KCNG3: variants seen among roughly 807,000 people sequenced by gnomAD.
KCNG3 encodes the protein potassium voltage-gated channel modifier subfamily G member 3.
Under a neutral mutation model 29.0 loss-of-function variants are expected in KCNG3, and 15 were observed. The ratio of observed to expected loss-of-function variants is 0.52; its 90% CI spans 0.35 to 0.80. KCNG3 has a LOEUF of 0.80. KCNG3 is among the 30% of genes least tolerant of loss of function. The pLI is 0.01. For synonymous variants in KCNG3, 322 were observed against 248.9 expected (o/e 1.29, Z -2.76); for missense variants, 512 against 605.7 (o/e 0.85, Z 1.62).
intron 1 of KCNG3, among the ~76,000 whole-genome samples, chr2:42,468,759 C>A (rs11687257): frequency 0.052 from 7,822 of 151,558 alleles, 254 homozygotes; most frequent in Middle Eastern, 0.1. Flanking sequence ...TCAAGACCAA[C>A]CTGGCCAAGA....
At chr2:42,476,796 A>C (rs953891358) in intron 1 of KCNG3, among the ~76,000 whole-genome samples, 8 of 151,604 alleles carry the variant, frequency 5.3e-5, no homozygotes, top group Non-Finnish European at 2.9e-5. Flanking sequence ...GGACAAAATA[A>C]AACATTTGTA....
intron 1 of KCNG3, among the ~76,000 whole-genome samples, chr2:42,480,758 TAA>T (rs11338189): frequency 1.1e-3 from 132 of 122,618 alleles, no homozygotes; most frequent in South Asian, 2.1e-3. Context: ...AACCCCATCT[TAA>T]AAAAAAAAAA....
chr2:42,398,080 G>A, the KCNG3 span, among the ~76,000 whole-genome samples: 2 of 152,022 alleles, frequency 1.3e-5, no homozygotes, highest in Admixed American at 6.6e-5. Context: ...AAAATTAGCC[G>A]GGCATGGTGG....
chr2:42,476,297 C>A lies in KCNG3; in HGVS notation c.665+16540G>T, dbSNP rs116820905. On this transcript the variant is annotated intron_variant, in intron 1 of 1. Coordinates refer to ENST00000306078, the MANE Select transcript of KCNG3 (RefSeq NM_133329.6). Reference sequence around the variant, plus strand: ...GACCAGCCTGGGCAACATAGAGAAACCCAGTCTCTACAAAAAAAAAATACA... The same window carrying A: ...GACCAGCCTGGGCAACATAGAGAAAACCAGTCTCTACAAAAAAAAAATACA... 6.4e-3 allele frequency among the ~76,000 whole-genome samples: 967 copies of A among 150,840 alleles called. 15 individuals carry two copies. Among genetic ancestry groups the A allele is most frequent in the African/African-American group, 0.023 (927 of 41,080 alleles).
intron 1 of KCNG3, among the ~76,000 whole-genome samples, chr2:42,469,201 G>A (rs1349768741): frequency 4.0e-5 from 6 of 151,816 alleles, no homozygotes; most frequent in Admixed American, 6.6e-5. Flanking sequence ...GCTGGATCAC[G>A]AGGTCAGAAG....
Position 42,493,559 on chromosome 2 carries a change from G to A in KCNG3, c.-58C>T. ...GCCCCGCTGCAGCCCCCCACCCCAA[G>A]CCGCCACGCGGGGCCTGCCTGCCCG... On this transcript the variant is annotated 5_prime_UTR_variant, in exon 1 of 2. Coordinates refer to ENST00000306078, the MANE Select transcript of KCNG3 (RefSeq NM_133329.6). 2 of 1,278,078 alleles carry A rather than the reference G, an allele frequency of 1.6e-6. No homozygotes were observed. The highest frequency in any genetic ancestry group is 9.8e-7 in the Non-Finnish European group (1 of 1,016,748). The allele number at this position is 1,278,078 out of a possible 1,614,324, so 79.2% of individuals were successfully genotyped here.
At chr2:42,478,826 G>C (rs1312538181) in intron 1 of KCNG3, among the ~76,000 whole-genome samples, 1 of 152,122 alleles carries the variant, frequency 6.6e-6, no homozygotes, top group African/African-American at 2.4e-5. Context: ...CTTTCTTAAA[G>C]TGTGCATCCC....
chr2:42,481,996 G>T (rs75202736), intron 1 of KCNG3, among the ~76,000 whole-genome samples: 2,388 of 152,242 alleles, frequency 0.016, 61 homozygotes, highest in African/African-American at 0.055. Flanking sequence ...CTTACATTGT[G>T]TTTTTTCTTT....
At chr2:42,432,493 C>T in the KCNG3 span, among the ~76,000 whole-genome samples, 1 of 152,166 alleles carries the variant, frequency 6.6e-6, no homozygotes, top group African/African-American at 2.4e-5. Flanking sequence ...AGAGCTCTAA[C>T]ATTGACGATT....
At chr2:42,492,475 G>A (rs879839596) in intron 1 of KCNG3, among the ~76,000 whole-genome samples, 1 of 152,210 alleles carries the variant, frequency 6.6e-6, no homozygotes, top group Admixed American at 6.5e-5. Context: ...CTTAGTTCAA[G>A]GCTTAATTGT....
the KCNG3 span, among the ~76,000 whole-genome samples, chr2:42,436,183 T>C: frequency 1.3e-5 from 2 of 152,074 alleles, no homozygotes; most frequent in Non-Finnish European, 2.9e-5. Context: ...ATGTCCAGAA[T>C]AGGCAAATCC....
chr2:42,455,009 G>T (rs1183274401), intron 1 of KCNG3, among the ~76,000 whole-genome samples: 4 of 152,036 alleles, frequency 2.6e-5, no homozygotes, highest in African/African-American at 9.7e-5. Context: ...CTACTAAATG[G>T]TATACTTAAA....
At chr2:42,463,470 C>A in intron 1 of KCNG3, 1 of 163,194 alleles carries the variant, frequency 6.1e-6, no homozygotes. Flanking sequence ...AAGTGTGAAG[C>A]TGGAATTCAT....
chr2:42,423,553 A>G, the KCNG3 span, among the ~76,000 whole-genome samples: 44 of 152,322 alleles, frequency 2.9e-4, no homozygotes, highest in African/African-American at 5.8e-4. Flanking sequence ...GCTGAACCCT[A>G]TAAGTGTCAC....
chr2:42,471,905 A>G (rs886998714), intron 1 of KCNG3, among the ~76,000 whole-genome samples: 4 of 150,440 alleles, frequency 2.7e-5, no homozygotes, highest in African/African-American at 4.9e-5. Context: ...AAAAAAAAAG[A>G]AAGAAAAAAG....
chr2:42,453,428 G>C (rs189596995), intron 1 of KCNG3, among the ~76,000 whole-genome samples: 50 of 152,260 alleles, frequency 3.3e-4, no homozygotes, highest in Non-Finnish European at 6.2e-4. Flanking sequence ...TTGTAGTTTT[G>C]ATTTGCACTT....
intron 1 of KCNG3, among the ~76,000 whole-genome samples, chr2:42,471,885 C>CAAAAAAAAAA (rs59566876): frequency 4.7e-5 from 3 of 63,930 alleles, no homozygotes; most frequent in African/African-American, 9.3e-5. Context: ...CCCTGTATCT[C>CAAAAAAAAAA]AAAAAAAAAA....
chr2:42,463,854 T>C (rs1223143927), intron 1 of KCNG3: 4 of 271,878 alleles, frequency 1.5e-5, no homozygotes, highest in Non-Finnish European at 3.0e-5. Context: ...GTGGCCTCAG[T>C]GTTGGCTGAG....
At chr2:42,441,400 AATAG>A (rs1423920469), downstream of KCNG3, among the ~76,000 whole-genome samples, 26 of 152,174 alleles carry the variant, frequency 1.7e-4, no homozygotes, top group Middle Eastern at 3.4e-3. Flanking sequence ...GAAAAAAATA[AATAG>A]ATAAATAATG....
Sources: allele counts gnomAD v4.1 joint callset (sites outside exome capture counted in the v4.1 genomes callset), GRCh38; gene constraint gnomAD v4.1.1; transcripts MANE v1.5; gene names NCBI Gene and HGNC (gene_info 2026-07-23, HGNC 2026-07-21).